The following TENM4 variants were observed in gnomAD, a reference collection of about 807,000 sequenced individuals.
The protein encoded by TENM4 is teneurin-4.
In TENM4, 82 loss-of-function variants were observed where a neutral mutation model predicts 243.3. The observed-to-expected ratio is 0.34, with a 90% confidence interval of 0.28 to 0.40. TENM4 has a LOEUF of 0.40. Among genes scored for constraint, TENM4 ranks in the 10% least tolerant of loss-of-function variants. The probability of loss-of-function intolerance (pLI) is 1.00; values close to 1 mark genes in which losing one functional copy is unlikely to be tolerated. For synonymous variants in TENM4, 1,412 were observed against 1,456.3 expected, an observed-to-expected ratio of 0.97 and a Z score of 0.69; for missense variants, 3,138 against 3,673.3, an observed-to-expected ratio of 0.85 and a Z score of 3.77.
At chr11:78,884,431 C>A (rs923892354) in intron 9 of TENM4, among the ~76,000 whole-genome samples, 2 of 146,930 alleles carry the variant, frequency 1.4e-5, no homozygotes, top group Non-Finnish European at 3.0e-5. Context: ...GAGGTGAGAT[C>A]TTTTGATTCT....
intron 1 of TENM4, among the ~76,000 whole-genome samples, chr11:79,437,776 T>C (rs1016441754): frequency 1.8e-4 from 27 of 152,272 alleles, no homozygotes; most frequent in African/African-American, 5.5e-4. Context: ...CGCCGCGACC[T>C]GATTCCCGCC....
intron 2 of TENM4, among the ~76,000 whole-genome samples, chr11:79,247,642 C>G (rs916027593): frequency 6.6e-6 from 1 of 152,174 alleles, no homozygotes; most frequent in Admixed American, 6.5e-5. Flanking sequence ...ATTTATTCTA[C>G]AGCAACAGAA....
At chr11:79,390,216 G>T (rs1858203254) in intron 1 of TENM4, among the ~76,000 whole-genome samples, 1 of 152,168 alleles carries the variant, frequency 6.6e-6, no homozygotes. Flanking sequence ...GGGCAAGAGA[G>T]GGGTCCAGGA....
intron 6 of TENM4, among the ~76,000 whole-genome samples, chr11:78,941,538 A>G (rs1006582206): frequency 6.6e-6 from 1 of 152,114 alleles, no homozygotes; most frequent in East Asian, 1.9e-4. Context: ...TGTGACTTGG[A>G]AGCAGCCTGA....
At chr11:79,166,096 C>T (rs1445011483) in intron 3 of TENM4, among the ~76,000 whole-genome samples, 2 of 152,164 alleles carry the variant, frequency 1.3e-5, no homozygotes, top group African/African-American at 4.8e-5. Flanking sequence ...AGAGCAGGTT[C>T]TACTGCATGT....
intron 26 of TENM4, among the ~76,000 whole-genome samples, chr11:78,710,613 G>A (rs1279571606): frequency 6.6e-6 from 1 of 152,218 alleles, no homozygotes. Flanking sequence ...ACTGATGAGT[G>A]CTCCATGAAT....
chr11:79,293,916 C>G (rs748926705), intron 2 of TENM4, among the ~76,000 whole-genome samples: 2 of 152,138 alleles, frequency 1.3e-5, no homozygotes, highest in Non-Finnish European at 2.9e-5. Context: ...TGGGCATGGA[C>G]CTGTAGGCAG....
chr11:79,234,479 T>G (rs1415885728), intron 2 of TENM4, among the ~76,000 whole-genome samples: 1 of 143,220 alleles, frequency 7.0e-6, no homozygotes, highest in African/African-American at 3.0e-5. Context: ...ATTTCTCCAT[T>G]AGCTCACAAA....
intron 6 of TENM4, among the ~76,000 whole-genome samples, chr11:78,972,444 C>A (rs1302097710): frequency 6.6e-6 from 1 of 152,052 alleles, no homozygotes; most frequent in African/African-American, 2.4e-5. Context: ...TAGCTTTCCT[C>A]CTCACAGGTT....
intron 1 of TENM4, among the ~76,000 whole-genome samples, chr11:79,314,176 G>A (rs891732162): frequency 3.3e-5 from 5 of 152,102 alleles, no homozygotes; most frequent in Admixed American, 6.5e-5. Context: ...CCAAGCCTCC[G>A]TTTTCTCATC....
At chr11:79,229,923 C>T (rs1177552672) in intron 2 of TENM4, among the ~76,000 whole-genome samples, 1 of 151,634 alleles carries the variant, frequency 6.6e-6, no homozygotes, top group African/African-American at 2.4e-5. Flanking sequence ...AACTCCTGGG[C>T]TCAAGTGATC....
At chr11:78,857,959 C>CT (rs1204187550) in intron 10 of TENM4, among the ~76,000 whole-genome samples, 2 of 152,204 alleles carry the variant, frequency 1.3e-5, no homozygotes, top group African/African-American at 4.8e-5. Flanking sequence ...GCCTTCTGAG[C>CT]TTTTTCCTCC....
At chr11:79,331,233 T>G (rs1160196295) in intron 1 of TENM4, among the ~76,000 whole-genome samples, 2 of 149,462 alleles carry the variant, frequency 1.3e-5, no homozygotes, top group Non-Finnish European at 3.0e-5. Flanking sequence ...TAAGTGGACT[T>G]TTTTTTTTTA....
chr11:78,948,510 C>T (rs910710280), intron 6 of TENM4, among the ~76,000 whole-genome samples: 13 of 151,884 alleles, frequency 8.6e-5, no homozygotes, highest in African/African-American at 3.1e-4. Context: ...AGTAGCTGGA[C>T]TACAGGCACC....
chr11:78,732,580 G>T lies in TENM4; in HGVS notation c.2877-3C>A, dbSNP rs1855695607. ...CGCCATTTGTCACCAAGTCAAAGCT[G>T]TTTGGGAGGGGAAGGTTGAGAAGGG... On this transcript the variant is annotated splice_polypyrimidine_tract_variant and splice_region_variant and intron_variant, in intron 20 of 33. Transcript: ENST00000278550. 1 of 1,591,904 alleles carries T rather than the reference G, an allele frequency of 6.3e-7. No homozygotes were observed. Among genetic ancestry groups the T allele is most frequent in the Non-Finnish European group, 8.6e-7 (1 of 1,164,314 alleles).
intron 6 of TENM4, among the ~76,000 whole-genome samples, chr11:78,937,573 T>C (rs1856812170): frequency 6.6e-6 from 1 of 152,200 alleles, no homozygotes; most frequent in African/African-American, 2.4e-5. Flanking sequence ...GCAGAGCTAG[T>C]TCTCTTAGGT....
chr11:78,742,128 C>G (rs1436542486), intron 19 of TENM4, among the ~76,000 whole-genome samples: 1 of 152,128 alleles, frequency 6.6e-6, no homozygotes, highest in South Asian at 2.1e-4. Flanking sequence ...ATGTTTATAT[C>G]ATTTGCATTA....
chr11:79,326,249 C>G (rs1211798880), intron 1 of TENM4, among the ~76,000 whole-genome samples: 1 of 152,136 alleles, frequency 6.6e-6, no homozygotes, highest in South Asian at 2.1e-4. Flanking sequence ...ATCATAAGTC[C>G]CTAACCCCCT....
At chr11:78,968,196 G>A (rs1316417684) in intron 6 of TENM4, among the ~76,000 whole-genome samples, 3 of 152,216 alleles carry the variant, frequency 2.0e-5, no homozygotes, top group Non-Finnish European at 4.4e-5. Context: ...TGCCTTCTGC[G>A]ATAAGTAAAA....
Sources: gnomAD v4.1 joint callset for allele counts (sites outside exome capture counted in the v4.1 genomes callset) on GRCh38, gnomAD v4.1.1 for gene constraint, MANE v1.5 for transcripts, NCBI Gene and HGNC (gene_info 2026-07-23, HGNC 2026-07-21) for gene names.